Variants in QKI observed in about 807,000 individuals in gnomAD.
QKI encodes KH domain-containing RNA-binding protein QKI.
Under a neutral mutation model 39.0 loss-of-function variants are expected in QKI, and 10 were observed. The observed-to-expected ratio is 0.26, with a 90% CI of 0.16 to 0.43. The LOEUF (loss-of-function observed/expected upper bound fraction) is 0.43. QKI is among the 20% of genes least tolerant of loss of function. The pLI is 1.00. For synonymous variants in QKI, 204 were observed against 155.4 expected, an observed-to-expected ratio of 1.31 and a Z score of -2.33; for missense variants, 218 against 428.0, an observed-to-expected ratio of 0.51 and a Z score of 4.33.
intron 4 of QKI, among the ~76,000 whole-genome samples, chr6:163,552,461 C>T (rs573160893): frequency 1.6e-4 from 24 of 152,226 alleles, no homozygotes; most frequent in Non-Finnish European, 2.8e-4. Flanking sequence ...CTACCTACCT[C>T]GGCCTCCCGA....
In QKI at chr6:163,565,381, T is replaced by G. The variant is rs535849891; in HGVS notation, c.935-1340T>G. The stretch of plus-strand genomic sequence containing the variant: ...GCCACCAGCTGCTGTTCCAGCACTT[T>G]CAGCGCAAGATCTCCCTGATTTTGC... On this transcript the variant is annotated intron_variant, in intron 6 of 7. Coordinates refer to ENST00000361752, the MANE Select transcript of QKI (RefSeq NM_006775.3). 3.0e-6 allele frequency: 3 copies of G among 986,238 alleles called. No individual in the cohort carries two copies. The Admixed American group carries it at 1.8e-4, about 60-fold the overall frequency. The allele number at this position is 986,238 out of a possible 1,614,324, so 61.1% of individuals were successfully genotyped here.
intron 7 of QKI, chr6:163,568,940 A>G (rs1430865174): frequency 8.1e-6 from 8 of 986,010 alleles, no homozygotes; most frequent in Non-Finnish European, 9.6e-6. Context: ...GTCCTGGTAT[A>G]TATAAATGGT....
chr6:163,570,325 G>T, intron 7 of QKI: 1 of 983,102 alleles, frequency 1.0e-6, no homozygotes, highest in Non-Finnish European at 1.2e-6. Flanking sequence ...TAACTGCACT[G>T]ACTGTTTAAA....
intron 4 of QKI, among the ~76,000 whole-genome samples, chr6:163,556,104 G>T (rs1172368600): frequency 6.6e-6 from 1 of 152,166 alleles, no homozygotes; most frequent in East Asian, 1.9e-4. Flanking sequence ...ACATTTGTTA[G>T]GAAGCGTAAA....
intron 1 of QKI, among the ~76,000 whole-genome samples, chr6:163,428,462 T>G (rs914876963): frequency 2.0e-5 from 3 of 152,184 alleles, no homozygotes; most frequent in African/African-American, 7.2e-5. Flanking sequence ...TGTGTCATAG[T>G]TTACTATATG....
At chr6:163,425,250 A>G (rs1562419612) in intron 1 of QKI, among the ~76,000 whole-genome samples, 1 of 152,212 alleles carries the variant, frequency 6.6e-6, no homozygotes, top group African/African-American at 2.4e-5. Flanking sequence ...TGCCAGCACC[A>G]TGGTGATGGG....
intron 7 of QKI, chr6:163,568,057 C>T (rs1370285138): frequency 2.0e-6 from 2 of 985,024 alleles, no homozygotes; most frequent in African/African-American, 3.5e-5. Context: ...AAAATAGACC[C>T]CAGCTCCGTG....
chr6:163,474,993 A>G (rs976482175), intron 2 of QKI, among the ~76,000 whole-genome samples: 3 of 152,154 alleles, frequency 2.0e-5, no homozygotes, highest in East Asian at 1.9e-4. Context: ...TGAAGAGTCT[A>G]TATTATAATG....
Position 163,572,971 on chromosome 6 carries a change from T to G in QKI, c.*2261T>G, listed in dbSNP as rs577726114. On this transcript the variant is annotated 3_prime_UTR_variant, in exon 8 of 8. Transcript: ENST00000361752. ...TATTGTTTGGTTGGTTGAATAAATT[T>G]GCGACACTCAAACACTTGAGGTGAT... 1 of 152,194 alleles carries G rather than the reference T, an allele frequency of 6.6e-6. No homozygotes were observed. The highest frequency in any genetic ancestry group is 6.5e-5 in the Admixed American group (1 of 15,268). 9.4% of individuals were successfully genotyped at this position (152,194 alleles called of 1,614,324 possible). A position where few individuals can be genotyped will look rare whatever the true frequency, so the allele number is the denominator to read the frequency against.
Position 163,570,797 on chromosome 6 carries a change from G to A in QKI, c.*87G>A. The A allele has an allele frequency of 6.5e-7, 1 of 1,544,438 alleles. No individual in the cohort carries two copies. The highest frequency in any genetic ancestry group is 8.8e-7 in the Non-Finnish European group (1 of 1,136,604). ...GATCAGTTAACTGGTAATCGCCTTT[G>A]CTTGCCTGTCGTCAGTGCAGCGAGC... On this transcript the variant is annotated 3_prime_UTR_variant, in exon 8 of 8. Coordinates refer to ENST00000361752, the MANE Select transcript of QKI (RefSeq NM_006775.3).
chr6:163,501,010 G>A (rs1778723616), intron 3 of QKI, among the ~76,000 whole-genome samples: 1 of 152,084 alleles, frequency 6.6e-6, no homozygotes, highest in Non-Finnish European at 1.5e-5. Context: ...GATGAAAATA[G>A]TTTCTCAGTC....
chr6:163,476,470 G>A (rs1183961729), intron 2 of QKI, among the ~76,000 whole-genome samples: 1 of 152,100 alleles, frequency 6.6e-6, no homozygotes, highest in African/African-American at 2.4e-5. Context: ...GAACAGAGCT[G>A]TCCGCTGCCA....
chr6:163,457,167 C>T (rs1294509511), intron 2 of QKI, among the ~76,000 whole-genome samples: 2 of 152,104 alleles, frequency 1.3e-5, no homozygotes, highest in East Asian at 1.9e-4. Context: ...AATGTTTCTG[C>T]AGTGGGCATT....
At chr6:163,416,682 A>G (rs1009454934) in intron 1 of QKI, among the ~76,000 whole-genome samples, 1 of 152,230 alleles carries the variant, frequency 6.6e-6, no homozygotes, top group African/African-American at 2.4e-5. Context: ...CATAGAAACA[A>G]CTTAAAAGTA....
At chr6:163,415,423 T>G in intron 1 of QKI, 88 bp downstream of exon 1, 2 of 1,001,990 alleles carry the variant, frequency 2.0e-6, no homozygotes, top group Non-Finnish European at 2.7e-6. Flanking sequence ...GGCGGGAAGG[T>G]CACGGCCGGG....
chr6:163,543,836 G>A (rs1389294131), intron 4 of QKI, among the ~76,000 whole-genome samples: 1 of 151,834 alleles, frequency 6.6e-6, no homozygotes, highest in Non-Finnish European at 1.5e-5. Flanking sequence ...CAAGTCTCTA[G>A]AGGAAAAAAG....
intron 1 of QKI, among the ~76,000 whole-genome samples, chr6:163,433,093 A>G (rs1486241966): frequency 5.3e-5 from 8 of 152,236 alleles, no homozygotes; most frequent in African/African-American, 1.2e-4. Context: ...GGTAAAAGGC[A>G]CAAGAGGCTT....
rs570363200 is a variant in QKI, at chr6:163,560,289, A to T, written c.547-1693A>T. On this transcript the variant is annotated intron_variant, in intron 4 of 7. Transcript: ENST00000361752. ...GGTTCTTGGAGATACAACTTTAAACAAAATGAGTATATTGCAGCCTCTTTT... is the reference window on the plus strand; with the variant it reads ...GGTTCTTGGAGATACAACTTTAAACTAAATGAGTATATTGCAGCCTCTTTT... Among the ~76,000 whole-genome samples the T allele has an allele frequency of 2.6e-5, 4 of 152,344 alleles. No individual in the cohort carries two copies. In the South Asian group the frequency reaches 8.3e-4, roughly 32 times the overall value.
chr6:163,550,317 CT>C (rs1297752061), intron 4 of QKI, among the ~76,000 whole-genome samples: 1 of 152,158 alleles, frequency 6.6e-6, no homozygotes, highest in African/African-American at 2.4e-5. Flanking sequence ...CACCAGTTCT[CT>C]TCCTGTAATA....
Sources: gnomAD v4.1 joint callset for allele counts (sites outside exome capture counted in the v4.1 genomes callset) on GRCh38, gnomAD v4.1.1 for gene constraint, MANE v1.5 for transcripts, NCBI Gene and HGNC (gene_info 2026-07-23, HGNC 2026-07-21) for gene names.